The following APOL6 variants were observed in gnomAD, a reference collection of about 807,000 sequenced individuals.
APOL6 encodes the protein apolipoprotein L, 6.
In APOL6, 1 loss-of-function variant was observed where a neutral mutation model predicts 2.4. That is an observed-to-expected ratio of 0.41 (90% CI 0.15 to 1.94). The LOEUF is 1.94. APOL6 is among the 30% of genes most tolerant of loss of function. The pLI is 0.30. For synonymous variants in APOL6, 189 were observed against 169.3 expected, an observed-to-expected ratio of 1.12 and a Z score of -0.90; for missense variants, 438 against 429.2, an observed-to-expected ratio of 1.02 and a Z score of -0.18.
chr22:35,653,554 T>G (rs1403232815), intron 1 of APOL6, among the ~76,000 whole-genome samples: 7 of 152,192 alleles, frequency 4.6e-5, no homozygotes, highest in Admixed American at 4.6e-4. Flanking sequence ...TAGCTCTTAT[T>G]ATTTTGAGAT....
At position 35,662,658 on chromosome 22, in the gene APOL6, A is replaced by T. The variant is rs1178288068; in HGVS notation, c.*3062A>T. On this transcript the variant is annotated 3_prime_UTR_variant, in exon 3 of 3. Transcript: ENST00000409652. Reference sequence around the variant, plus strand: ...GGCCACATGTCATCAGGACTTCCTGAGTCTGTGTCACAGTGTGTCCTCAAC... The same window carrying T: ...GGCCACATGTCATCAGGACTTCCTGTGTCTGTGTCACAGTGTGTCCTCAAC... 1 of 152,254 alleles carries T rather than the reference A, an allele frequency of 6.6e-6. No homozygotes were observed. The highest frequency in any genetic ancestry group is 2.4e-5 in the African/African-American group (1 of 41,470). 9.4% of individuals were successfully genotyped at this position (152,254 alleles called of 1,614,324 possible).
Position 35,664,662 on chromosome 22 carries a change from GATAA to G in APOL6, c.*5070_*5073del, listed in dbSNP as rs1200660510. ...TAAAATAACTAGGTAAATGTAATGG[GATAA>G]ATACTTATAGACCAACTGGACATAA... is the stretch of plus-strand genomic sequence containing the variant. On this transcript the variant is annotated 3_prime_UTR_variant, in exon 3 of 3. Coordinates refer to ENST00000409652, the MANE Select transcript of APOL6 (RefSeq NM_030641.4). 3.3e-5 allele frequency: 5 copies of G among 152,032 alleles called. No individual in the cohort carries two copies. The highest frequency in any genetic ancestry group is 6.6e-5 in the Admixed American group (1 of 15,252). 9.4% of individuals were successfully genotyped at this position (152,032 alleles called of 1,614,324 possible).
intron 2 of APOL6, 137 bp downstream of exon 2, chr22:35,656,612 T>G (rs1166683590): frequency 2.0e-6 from 2 of 984,130 alleles, no homozygotes; most frequent in Non-Finnish European, 3.1e-6. Flanking sequence ...GTCTCCATTA[T>G]GCATATGAAA....
In APOL6 at chr22:35,667,597, T is replaced by G. The variant is rs1255914587; in HGVS notation, c.*8001T>G. The G allele has an allele frequency of 6.6e-6, 1 of 152,306 alleles. No individual in the cohort carries two copies. Among genetic ancestry groups the G allele is most frequent in the East Asian group, 1.9e-4 (1 of 5,182 alleles). The allele number at this position is 152,306 out of a possible 1,614,324, so 9.4% of individuals were successfully genotyped here. ...TGGTATCTGCAATTTTCACATTCAT[T>G]AGGTTTCAACATATAAACTTTCAGG... On this transcript the variant is annotated 3_prime_UTR_variant, in exon 3 of 3. Transcript: ENST00000409652.
chr22:35,649,765 G>A (rs143848746), intron 1 of APOL6, among the ~76,000 whole-genome samples: 5 of 151,876 alleles, frequency 3.3e-5, no homozygotes, highest in African/African-American at 4.8e-5. Context: ...AGGTATTGGC[G>A]GACGCTGGTA....
Position 35,659,455 on chromosome 22 carries a change from G to A in APOL6, c.891G>A (p.Arg297=). 6.2e-7 allele frequency: 1 copy of A among 1,614,010 alleles called. No individual in the cohort carries two copies. The highest frequency in any genetic ancestry group is 2.2e-5 in the East Asian group (1 of 44,860). The change falls in exon 3 of 3, where the codon AGG becomes AGA. Residue 297 remains arginine, a synonymous_variant. Transcript: ENST00000409652. ...QLYKSLQQKV[R]SRARGVGKDL... is the part of the protein sequence containing the mutation. ...ACAAGAGCTTGCAGCAGAAAGTGAG[G>A]TCAAGGGCCAGAGGGGTGGGGAAGG...
In APOL6 at chr22:35,658,969, TA is replaced by T. The variant is rs539021458; in HGVS notation, c.408del (p.Glu137LysfsTer42). ...GTGGTACGTTGGAACGCTCCAAAAA[TA>T]AAGAAGCCCAAGCACGGGCGGAAGA... is the stretch of plus-strand genomic sequence containing the variant. ...VSGTLERSKN[K>X]EAQARAEDIL... is the part of the protein sequence containing the mutation. On this transcript the variant is annotated frameshift_variant, in exon 3 of 3. Transcript: ENST00000409652. LOFTEE classifies it low-confidence loss of function (END_TRUNC). 3.1e-5 allele frequency: 50 copies of T among 1,613,520 alleles called. No individual in the cohort carries two copies. The East Asian group carries it at 7.4e-4, about 24-fold the overall frequency.
At chr22:35,655,967 A>G (rs1924833784) in intron 1 of APOL6, among the ~76,000 whole-genome samples, 1 of 152,222 alleles carries the variant, frequency 6.6e-6, no homozygotes, top group Non-Finnish European at 1.5e-5. Flanking sequence ...TTTGGTGATC[A>G]AACTTTATCC....
At chr22:35,657,074 C>G (rs1313739057) in intron 2 of APOL6, among the ~76,000 whole-genome samples, 1 of 152,230 alleles carries the variant, frequency 6.6e-6, no homozygotes, top group Non-Finnish European at 1.5e-5. Flanking sequence ...TTAAGAAACA[C>G]ATGAAGTCAA....
In APOL6 at chr22:35,663,569, G is replaced by T. The variant is rs573158339; in HGVS notation, c.*3973G>T. On this transcript the variant is annotated 3_prime_UTR_variant, in exon 3 of 3. Coordinates refer to ENST00000409652, the MANE Select transcript of APOL6 (RefSeq NM_030641.4). Reference sequence around the variant, plus strand: ...CAGTTGACTGAATTCTGTTTTCACCGGATTTTTTGACTAAAATAGCTATTG... The same window carrying T: ...CAGTTGACTGAATTCTGTTTTCACCTGATTTTTTGACTAAAATAGCTATTG... The T allele has an allele frequency of 1.4e-5, 2 of 145,602 alleles. No individual in the cohort carries two copies. The highest frequency in any genetic ancestry group is 2.5e-5 in the African/African-American group (1 of 39,250). 9.0% of individuals were successfully genotyped at this position (145,602 alleles called of 1,614,324 possible). A position where few individuals can be genotyped will look rare whatever the true frequency, so the allele number is the denominator to read the frequency against.
chr22:35,659,425 G>A lies in APOL6; in HGVS notation c.861G>A (p.Gln287=). The A allele has an allele frequency of 1.2e-6, 2 of 1,614,086 alleles. No homozygotes were observed. Among genetic ancestry groups the A allele is most frequent in the Non-Finnish European group, 1.7e-6 (2 of 1,180,026 alleles). Residue 287 remains glutamine (Q), a synonymous_variant, in exon 3 of 3, where the codon CAG becomes CAA. Coordinates refer to ENST00000409652, the MANE Select transcript of APOL6 (RefSeq NM_030641.4). ...AGAGGAAACTCACAGAACTCACCCA[G>A]CTCTACAAGAGCTTGCAGCAGAAAG... is the stretch of plus-strand genomic sequence containing the variant. ...ELERKLTELT[Q]LYKSLQQKVR...
At position 35,666,918 on chromosome 22, in the gene APOL6, C is replaced by T. The variant is rs1054406187; in HGVS notation, c.*7322C>T. 5.3e-5 allele frequency: 8 copies of T among 152,176 alleles called. 1 individual carries two copies. Among genetic ancestry groups the T allele is most frequent in the Admixed American group, 3.3e-4 (5 of 15,272 alleles). 9.4% of individuals were successfully genotyped at this position (152,176 alleles called of 1,614,324 possible). On this transcript the variant is annotated 3_prime_UTR_variant, in exon 3 of 3. Transcript: ENST00000409652. Reference sequence around the variant, plus strand: ...TTTGTTTCTCTCTACCTGATTTCTCCAGAATTCAGAAACTATTTGTAAGTA... The same window carrying T: ...TTTGTTTCTCTCTACCTGATTTCTCTAGAATTCAGAAACTATTTGTAAGTA...
chr22:35,656,397 G>C lies in APOL6; in HGVS notation c.-29G>C, dbSNP rs1282980103. 1 of 1,613,836 alleles carries C rather than the reference G, an allele frequency of 6.2e-7. No homozygotes were observed. Among genetic ancestry groups the C allele is most frequent in the Non-Finnish European group, 8.5e-7 (1 of 1,179,848 alleles). On this transcript the variant is annotated 5_prime_UTR_variant, in exon 2 of 3. Coordinates refer to ENST00000409652, the MANE Select transcript of APOL6 (RefSeq NM_030641.4). Reference sequence around the variant, plus strand: ...TGACCAGAAAATCATTTGACTCCTGGGGACACAGATTTGCTGCCACAGAGG... The same window carrying C: ...TGACCAGAAAATCATTTGACTCCTGCGGACACAGATTTGCTGCCACAGAGG...
intron 1 of APOL6, among the ~76,000 whole-genome samples, chr22:35,649,049 C>G (rs1365642718): frequency 6.6e-6 from 1 of 152,110 alleles, no homozygotes; most frequent in Non-Finnish European, 1.5e-5. Context: ...GGTGAGTTGT[C>G]TAGAAACTGC....
Position 35,660,288 on chromosome 22 carries a change from G to C in APOL6, c.*692G>C, listed in dbSNP as rs1414659270. ...TAAGAGGAGGAGGAAATACAAGAGG[G>C]CCTCCCCACCCCTGCTGCACACCTA... is the stretch of plus-strand genomic sequence containing the variant. On this transcript the variant is annotated 3_prime_UTR_variant, in exon 3 of 3. Coordinates refer to ENST00000409652, the MANE Select transcript of APOL6 (RefSeq NM_030641.4). 1 of 152,358 alleles carries C rather than the reference G, an allele frequency of 6.6e-6. No individual in the cohort carries two copies. Among genetic ancestry groups the C allele is most frequent in the African/African-American group, 2.4e-5 (1 of 41,430 alleles). The allele number at this position is 152,358 out of a possible 1,614,324, so 9.4% of individuals were successfully genotyped here.
chr22:35,649,437 CAAAA>C (rs11456006), intron 1 of APOL6, among the ~76,000 whole-genome samples: 2 of 86,536 alleles, frequency 2.3e-5, no homozygotes. Context: ...GACCCGGTCT[CAAAA>C]AAAAAAAAAA....
intron 1 of APOL6, among the ~76,000 whole-genome samples, chr22:35,653,768 A>C (rs1358448437): frequency 6.6e-6 from 1 of 152,202 alleles, no homozygotes; most frequent in Non-Finnish European, 1.5e-5. Context: ...CTTTATGAGA[A>C]CAAACTTGGC....
chr22:35,653,225 T>A (rs1924747208), intron 1 of APOL6, among the ~76,000 whole-genome samples: 1 of 152,222 alleles, frequency 6.6e-6, no homozygotes, highest in Non-Finnish European at 1.5e-5. Context: ...TAAGAATGCT[T>A]GTGATTTTTG....
At chr22:35,658,447 G>T (rs1924905634) in intron 2 of APOL6, among the ~76,000 whole-genome samples, 168 bp from the exon 3 acceptor site, 1 of 152,126 alleles carries the variant, frequency 6.6e-6, no homozygotes, top group African/African-American at 2.4e-5. Flanking sequence ...GGAACCAGTA[G>T]TTTTCAGCGA....
Sources: gnomAD v4.1 joint callset for allele counts (sites outside exome capture counted in the v4.1 genomes callset) on GRCh38, gnomAD v4.1.1 for gene constraint, MANE v1.5 for transcripts, NCBI Gene and HGNC (gene_info 2026-07-23, HGNC 2026-07-21) for gene names.